The following MCPH1 variants were observed in gnomAD, a reference collection of about 807,000 sequenced individuals.
MCPH1 encodes microcephalin 1, also known as microcephalin.
In MCPH1, 104 loss-of-function variants were observed where a neutral mutation model predicts 84.5. The ratio of observed to expected loss-of-function variants is 1.23; its 90% CI spans 1.05 to 1.45. The LOEUF is 1.45. Among genes scored for constraint, MCPH1 ranks in the 40% most tolerant of loss-of-function variants. The probability of loss-of-function intolerance (pLI) is 0.00; values close to 1 mark genes in which losing one functional copy is unlikely to be tolerated. For synonymous variants in MCPH1, 514 were observed against 366.8 expected (o/e 1.40, Z -4.58); for missense variants, 1,498 against 1,005.7 (o/e 1.49, Z -6.62).
intron 12 of MCPH1, among the ~76,000 whole-genome samples, chr8:6,562,076 A>T (rs185719455): frequency 5.9e-5 from 9 of 152,340 alleles, no homozygotes; most frequent in Admixed American, 4.6e-4. Flanking sequence ...TAGGGCCCTG[A>T]GATTCTGAGA....
chr8:6,628,163 G>A (rs569826462), intron 13 of MCPH1, among the ~76,000 whole-genome samples: 1 of 152,026 alleles, frequency 6.6e-6, no homozygotes, highest in Non-Finnish European at 1.5e-5. Flanking sequence ...TTGCATCAGA[G>A]ATGTAAACAT....
intron 6 of MCPH1, among the ~76,000 whole-genome samples, chr8:6,440,517 C>G (rs1024682278): frequency 6.6e-6 from 1 of 152,154 alleles, no homozygotes; most frequent in Non-Finnish European, 1.5e-5. Context: ...GTGCCACGAT[C>G]CCTGGCTTAT....
chr8:6,594,507 A>G (rs1199862000), intron 12 of MCPH1, among the ~76,000 whole-genome samples: 3 of 152,248 alleles, frequency 2.0e-5, no homozygotes, highest in African/African-American at 7.2e-5. Flanking sequence ...CCTTGATCAT[A>G]TCCAGTGAAT....
chr8:6,420,048 T>TGAGG (rs1292345031), intron 3 of MCPH1, among the ~76,000 whole-genome samples: 4 of 151,682 alleles, frequency 2.6e-5, no homozygotes, highest in Admixed American at 1.3e-4. Flanking sequence ...GTGATGCTGG[T>TGAGG]GAGGGAGGGA....
At chr8:6,496,506 G>A (rs1357638165) in intron 11 of MCPH1, among the ~76,000 whole-genome samples, 2 of 152,046 alleles carry the variant, frequency 1.3e-5, no homozygotes, top group East Asian at 1.9e-4. Context: ...GTTGACTTTC[G>A]CCACACGGAA....
chr8:6,508,656 A>G (rs1282686322), intron 12 of MCPH1: 4 of 586,532 alleles, frequency 6.8e-6, no homozygotes, highest in Non-Finnish European at 1.2e-5. Context: ...AACGCAGGAG[A>G]GCTTGCTAAG....
intron 11 of MCPH1, among the ~76,000 whole-genome samples, chr8:6,487,214 A>G (rs1265070908): frequency 1.3e-5 from 2 of 152,272 alleles, no homozygotes; most frequent in African/African-American, 2.4e-5. Context: ...GCCGCTAACT[A>G]TCAACAGATA....
intron 12 of MCPH1, among the ~76,000 whole-genome samples, chr8:6,589,891 A>T (rs979489688): frequency 9.9e-5 from 15 of 152,262 alleles, no homozygotes; most frequent in African/African-American, 3.6e-4. Flanking sequence ...CAGAACTCTT[A>T]TTATGGAAAT....
At chr8:6,572,794 C>T (rs1223799977) in intron 12 of MCPH1, among the ~76,000 whole-genome samples, 1 of 152,194 alleles carries the variant, frequency 6.6e-6, no homozygotes, top group African/African-American at 2.4e-5. Context: ...AACAGATGTC[C>T]CATCTGGATG....
intron 13 of MCPH1, among the ~76,000 whole-genome samples, chr8:6,633,157 C>T (rs1797291131): frequency 1.3e-5 from 2 of 152,182 alleles, no homozygotes; most frequent in African/African-American, 2.4e-5. Context: ...ACAAGACACA[C>T]ATGAATGCTA....
At chr8:6,416,995 A>AG (rs1429772058) in intron 3 of MCPH1, among the ~76,000 whole-genome samples, 1 of 152,106 alleles carries the variant, frequency 6.6e-6, no homozygotes, top group East Asian at 1.9e-4. Flanking sequence ...GAAAAAAAAA[A>AG]AAGAGTAAGG....
rs373199125 is a variant in MCPH1 at position 6,442,135 on chromosome 8, T to A, written c.649T>A (p.Ser217Thr). Residue 217 changes from serine (S) to threonine (T), a missense_variant, in exon 7 of 14, where the codon TCA becomes ACA. By Grantham distance (58) the Ser-to-Thr change is moderately conservative. Transcript: ENST00000344683. ...NSLCEAPLNI[S>T]RDTLCSDEYF... ...TCTGTGTGAAGCACCTTTGAACATT[T>A]CACGTGATACTTTGTGTTCAGGTAA... 2.4e-5 allele frequency: 39 copies of A among 1,610,636 alleles called. 1 individual carries two copies. The African/African-American group carries it at 4.5e-4, about 19-fold the overall frequency.
At chr8:6,416,852 G>C (rs1165826880) in intron 3 of MCPH1, among the ~76,000 whole-genome samples, 3 of 152,064 alleles carry the variant, frequency 2.0e-5, no homozygotes, top group Non-Finnish European at 4.4e-5. Flanking sequence ...AAATTAGCCA[G>C]TCATGTTGGC....
chr8:6,459,278 T>TTTTG (rs113482702), intron 9 of MCPH1, among the ~76,000 whole-genome samples: 1 of 151,662 alleles, frequency 6.6e-6, no homozygotes, highest in African/African-American at 2.4e-5. Flanking sequence ...ACACGGCCTT[T>TTTTG]TTTGTTTGTT....
At chr8:6,624,003 C>A (rs1031894139) in intron 13 of MCPH1, among the ~76,000 whole-genome samples, 12 of 152,212 alleles carry the variant, frequency 7.9e-5, no homozygotes, top group Non-Finnish European at 1.3e-4. Flanking sequence ...CCCGAGCCTG[C>A]CTCTGCACTC....
intron 11 of MCPH1, among the ~76,000 whole-genome samples, chr8:6,483,804 G>C (rs1203721543): frequency 2.6e-5 from 4 of 152,106 alleles, no homozygotes; most frequent in Admixed American, 2.0e-4. Context: ...AGGTTGCAAA[G>C]AGCCAATACC....
chr8:6,624,778 G>A (rs1006729618), intron 13 of MCPH1: 12 of 982,590 alleles, frequency 1.2e-5, no homozygotes, highest in Admixed American at 6.2e-5. Flanking sequence ...ACATACACAC[G>A]TAAACCTACA....
chr8:6,512,625 C>G (rs1396927868), intron 12 of MCPH1, among the ~76,000 whole-genome samples: 1 of 152,180 alleles, frequency 6.6e-6, no homozygotes, highest in African/African-American at 2.4e-5. Flanking sequence ...TTTCGGAGTG[C>G]CTCTATGTGC....
intron 13 of MCPH1, chr8:6,627,145 AC>A: frequency 1.0e-6 from 1 of 983,980 alleles, no homozygotes; most frequent in Non-Finnish European, 1.2e-6. Flanking sequence ...CTAATGACTG[AC>A]TGACCAGAAA....
Sources: gnomAD v4.1 joint callset for allele counts (sites outside exome capture counted in the v4.1 genomes callset) on GRCh38, gnomAD v4.1.1 for gene constraint, MANE v1.5 for transcripts, NCBI Gene and HGNC (gene_info 2026-07-23, HGNC 2026-07-21) for gene names.